The following DDX10 variants were observed in gnomAD, a reference collection of about 807,000 sequenced individuals.
DDX10 encodes the protein probable ATP-dependent RNA helicase DDX10.
DDX10 carries 74 observed loss-of-function variants against 104.3 expected under a neutral mutation model. That is an observed-to-expected ratio of 0.71 (90% CI 0.59 to 0.86). DDX10 has a LOEUF of 0.86. DDX10 is among the 40% of genes least tolerant of loss of function. The probability of loss-of-function intolerance (pLI) is 0.00; values close to 1 mark genes in which losing one functional copy is unlikely to be tolerated. For missense variants in DDX10, 952 were observed against 1,040.0 expected, an observed-to-expected ratio of 0.92 and a Z score of 1.16; for synonymous variants, 351 against 353.4, an observed-to-expected ratio of 0.99 and a Z score of 0.08.
chr11:108,730,052 A>G (rs1216511428), intron 13 of DDX10: 2 of 152,876 alleles, frequency 1.3e-5, no homozygotes, highest in Non-Finnish European at 2.9e-5. Flanking sequence ...CACTTTGGCA[A>G]TTCAGAGTAA....
chr11:108,693,233 G>C (rs11212757), intron 8 of DDX10, among the ~76,000 whole-genome samples: 18,700 of 152,210 alleles, frequency 0.12, 1,566 homozygotes, highest in East Asian at 0.27. Context: ...TTAAATATTA[G>C]GGTATTTCAC....
intron 6 of DDX10, among the ~76,000 whole-genome samples, chr11:108,685,777 C>T (rs567503106): frequency 6.6e-6 from 1 of 152,296 alleles, no homozygotes; most frequent in African/African-American, 2.4e-5. Flanking sequence ...GCCAAACATT[C>T]ATTCCTAAAG....
chr11:108,857,259 A>G (rs1332795399), intron 16 of DDX10, among the ~76,000 whole-genome samples: 1 of 152,176 alleles, frequency 6.6e-6, no homozygotes, highest in East Asian at 1.9e-4. Context: ...GAAAATTACT[A>G]ATAGCAAATA....
intron 7 of DDX10, among the ~76,000 whole-genome samples, 153 bp from the exon 8 acceptor site, chr11:108,691,723 T>C (rs995424642): frequency 5.3e-5 from 8 of 152,250 alleles, no homozygotes; most frequent in Non-Finnish European, 1.0e-4. Flanking sequence ...AAATTGCTTG[T>C]GATTAAATAA....
chr11:108,804,561 G>T (rs1046437429), intron 13 of DDX10, among the ~76,000 whole-genome samples: 14 of 149,554 alleles, frequency 9.4e-5, no homozygotes, highest in African/African-American at 3.2e-4. Flanking sequence ...CTGAAAACAC[G>T]TGTTTATTAT....
chr11:108,785,343 G>C (rs779733090), intron 13 of DDX10, among the ~76,000 whole-genome samples: 6 of 152,092 alleles, frequency 3.9e-5, no homozygotes, highest in Non-Finnish European at 5.9e-5. Flanking sequence ...TTTCGTTGAG[G>C]ATTTTTGCTT....
chr11:108,838,978 G>T (rs967886946), intron 14 of DDX10, among the ~76,000 whole-genome samples: 13 of 152,140 alleles, frequency 8.5e-5, no homozygotes, highest in Non-Finnish European at 1.3e-4. Context: ...CATATATCTT[G>T]CTGGACTGGC....
intron 14 of DDX10, 149 bp downstream of exon 14, chr11:108,838,714 A>C (rs1344034154): frequency 2.2e-6 from 2 of 898,924 alleles, no homozygotes; most frequent in Admixed American, 2.8e-5. Flanking sequence ...TAGGCTGTAC[A>C]TCAGCTCTAC....
chr11:108,777,447 C>T (rs549665247), intron 13 of DDX10, among the ~76,000 whole-genome samples: 53 of 152,098 alleles, frequency 3.5e-4, no homozygotes, highest in African/African-American at 1.1e-3. Flanking sequence ...CCCAGCTTCC[C>T]GAGTAGCTGG....
At chr11:108,706,707 A>C (rs767470049) in intron 9 of DDX10, 32 bp from the exon 10 acceptor site, 1 of 1,504,842 alleles carries the variant, frequency 6.6e-7, no homozygotes, top group African/African-American at 1.4e-5. Flanking sequence ...GATTGCATTG[A>C]TGTGTTAAAG....
chr11:108,819,246 T>C (rs1414383467), intron 13 of DDX10, among the ~76,000 whole-genome samples: 1 of 152,212 alleles, frequency 6.6e-6, no homozygotes, highest in East Asian at 1.9e-4. Context: ...CTTATTACCT[T>C]TCCTGTTTTT....
intron 16 of DDX10, among the ~76,000 whole-genome samples, chr11:108,889,744 C>G (rs1026693264): frequency 6.6e-6 from 1 of 152,090 alleles, no homozygotes; most frequent in African/African-American, 2.4e-5. Flanking sequence ...AATTACAAAG[C>G]AAACTCACAA....
intron 14 of DDX10, 85 bp downstream of exon 14, chr11:108,838,650 G>T: frequency 7.0e-7 from 1 of 1,428,374 alleles, no homozygotes; most frequent in East Asian, 2.4e-5. Context: ...ACTCATTAAT[G>T]ATAGAGTAAA....
In DDX10 at chr11:108,841,979, G is replaced by T. The variant is rs191408717; in HGVS notation, c.2247+503G>T. 1.9e-3 allele frequency among the ~76,000 whole-genome samples: 288 copies of T among 152,150 alleles called. 2 individuals are homozygous for T. The highest frequency in any genetic ancestry group is 6.5e-3 in the African/African-American group (270 of 41,496). On this transcript the variant is annotated intron_variant, in intron 15 of 17. Coordinates refer to ENST00000322536, the MANE Select transcript of DDX10 (RefSeq NM_004398.4). ...TGTCCCATCGTATGGATGTACTGAG[G>T]TTTGTTTCACCATTCAACCATTGGA... is the stretch of plus-strand genomic sequence containing the variant.
intron 13 of DDX10, among the ~76,000 whole-genome samples, chr11:108,744,487 C>T (rs947858288): frequency 1.3e-5 from 2 of 152,104 alleles, no homozygotes; most frequent in Middle Eastern, 3.2e-3. Context: ...TGTACAGACC[C>T]CAAAGTCTAC....
At chr11:108,805,675 T>A (rs573436616) in intron 13 of DDX10, among the ~76,000 whole-genome samples, 94 of 152,332 alleles carry the variant, frequency 6.2e-4, no homozygotes, top group Non-Finnish European at 1.2e-3. Flanking sequence ...GTGATCTTTT[T>A]GGATCACTTT....
intron 16 of DDX10, among the ~76,000 whole-genome samples, chr11:108,916,560 T>G (rs1026291966): frequency 5.3e-5 from 8 of 152,232 alleles, no homozygotes; most frequent in Non-Finnish European, 1.5e-5. Flanking sequence ...TATTCTGAAC[T>G]GTTATTCAAT....
At chr11:108,743,482 T>C (rs1180050012) in intron 13 of DDX10, among the ~76,000 whole-genome samples, 1 of 152,186 alleles carries the variant, frequency 6.6e-6, no homozygotes, top group Non-Finnish European at 1.5e-5. Flanking sequence ...GGATGCCCTC[T>C]CTCACCACTT....
intron 16 of DDX10, among the ~76,000 whole-genome samples, chr11:108,891,104 C>T (rs977735709): frequency 2.0e-5 from 3 of 152,158 alleles, no homozygotes; most frequent in African/African-American, 7.2e-5. Context: ...ACTCCTTTGA[C>T]CGCTATAGCA....
Sources: gnomAD v4.1 joint callset for allele counts (sites outside exome capture counted in the v4.1 genomes callset) on GRCh38, gnomAD v4.1.1 for gene constraint, MANE v1.5 for transcripts, NCBI Gene and HGNC (gene_info 2026-07-23, HGNC 2026-07-21) for gene names.